TJP2: variants seen among roughly 807,000 people sequenced by gnomAD.
TJP2 encodes the protein tight junction protein 2, also known as Friedreich ataxia region gene X104 (tight junction protein ZO-2).
In TJP2, 91 loss-of-function variants were observed where a neutral mutation model predicts 133.1. That is an observed-to-expected ratio of 0.68 (90% confidence interval 0.58 to 0.81). The LOEUF (loss-of-function observed/expected upper bound fraction) is 0.81, where lower values mean the gene tolerates loss of function less well. TJP2 is among the 40% of genes least tolerant of loss of function. The pLI, the probability that TJP2 is intolerant of heterozygous loss-of-function variation, is 0.00. For missense variants in TJP2, 1,541 were observed against 1,565.6 expected, an observed-to-expected ratio of 0.98 and a Z score of 0.26; for synonymous variants, 592 against 583.4, an observed-to-expected ratio of 1.01 and a Z score of -0.21.
At chr9:69,251,706 C>G (rs1246394821) in intron 21 of TJP2, among the ~76,000 whole-genome samples, 1 of 152,026 alleles carries the variant, frequency 6.6e-6, no homozygotes, top group Admixed American at 6.5e-5. Flanking sequence ...TTCATTGGCT[C>G]CCAGATTTGC....
Position 69,130,884 on chromosome 9 carries a change from G to A in TJP2, c.-131+9159G>A, listed in dbSNP as rs994727104. Among the ~76,000 whole-genome samples, 4 of 152,188 alleles carry A rather than the reference G, an allele frequency of 2.6e-5. No homozygotes were observed. The East Asian group carries it at 7.7e-4, about 29-fold the overall frequency. ...TAAAGGTTCAGGAGAGTGAGGACATGTATGGGTATTGGTGTCAGGGGAGGG... is the reference window on the plus strand; with the variant it reads ...TAAAGGTTCAGGAGAGTGAGGACATATATGGGTATTGGTGTCAGGGGAGGG... On this transcript the variant is annotated intron_variant, in intron 1 of 5. Transcript: ENST00000423935.
intron 1 of TJP2, among the ~76,000 whole-genome samples, chr9:69,148,360 C>G (rs114762151): frequency 6.9e-6 from 1 of 145,570 alleles, no homozygotes; most frequent in African/African-American, 2.5e-5. Context: ...CTCATGCTTC[C>G]CCCTCTGTAA....
chr9:69,247,972 A>C, intron 18 of TJP2, 40 bp from the exon 19 acceptor site: 2 of 1,524,772 alleles, frequency 1.3e-6, no homozygotes, highest in Non-Finnish European at 1.8e-6. Flanking sequence ...CCCAGGAGCC[A>C]CATCAGACCC....
chr9:69,159,906 T>C (rs1823978548), intron 2 of TJP2, among the ~76,000 whole-genome samples: 1 of 54,890 alleles, frequency 1.8e-5, no homozygotes, highest in Non-Finnish European at 4.1e-5. Context: ...TATATATATA[T>C]ATGTGTGTGT....
intron 1 of TJP2, among the ~76,000 whole-genome samples, chr9:69,146,575 T>C (rs1212823400): frequency 6.6e-6 from 1 of 152,226 alleles, no homozygotes; most frequent in East Asian, 1.9e-4. Context: ...ACATTCATTA[T>C]AGAAGATTTA....
intron 1 of TJP2, among the ~76,000 whole-genome samples, chr9:69,134,320 G>A (rs1822633119): frequency 6.6e-6 from 1 of 152,186 alleles, no homozygotes; most frequent in Admixed American, 6.5e-5. Flanking sequence ...ATGGTGCACA[G>A]GTAAACATAA....
At position 69,216,372 on chromosome 9, in the gene TJP2, G is replaced by A. The variant is rs749225630; in HGVS notation, c.148G>A (p.Gly50Arg). The change falls in exon 3 of 23, where the codon GGA (glycine) becomes AGA (arginine). Residue 50 changes from glycine to arginine, a missense_variant. Coordinates refer to ENST00000377245, the MANE Select transcript of TJP2 (RefSeq NM_004817.4). ...SKRGFGIAVS[G>R]GRDNPHFENG... is the part of the protein sequence containing the mutation. ...AAGAGGATTTGGAATTGCAGTGTCC[G>A]GAGGCAGAGACAACCCCCACTTTGA... is the stretch of plus-strand genomic sequence containing the variant. The A allele has an allele frequency of 8.1e-6, 13 of 1,614,020 alleles. No homozygotes were observed. Among genetic ancestry groups the A allele is most frequent in the Middle Eastern group, 3.3e-4 (2 of 6,062 alleles).
intron 1 of TJP2, among the ~76,000 whole-genome samples, chr9:69,137,713 T>C (rs969001647): frequency 6.6e-6 from 1 of 152,048 alleles, no homozygotes; most frequent in Non-Finnish European, 1.5e-5. Flanking sequence ...GAAGAAACTT[T>C]CCAGCTTTTC....
chr9:69,230,139 T>C lies in TJP2; in HGVS notation c.1578T>C (p.Ala526=). ...GAGACAGCGTGGGCCTCCGGTTGGC[T>C]GGTGGCAATGATGTCGGGATATTTG... The part of the protein sequence containing the change: ...KKGDSVGLRL[A]GGNDVGIFVA... Residue 526 remains alanine, a synonymous_variant, in exon 11 of 23, where the codon GCT becomes GCC. Coordinates refer to ENST00000377245, the MANE Select transcript of TJP2 (RefSeq NM_004817.4). 1 of 1,614,192 alleles carries C rather than the reference T, an allele frequency of 6.2e-7. No homozygotes were observed. The highest frequency in any genetic ancestry group is 1.7e-4 in the Middle Eastern group (1 of 6,058).
At chr9:69,138,918 A>G (rs1439897612) in intron 1 of TJP2, among the ~76,000 whole-genome samples, 2 of 151,038 alleles carry the variant, frequency 1.3e-5, no homozygotes, top group Non-Finnish European at 1.5e-5. Flanking sequence ...TTCCATCTCA[A>G]AAAAAATAAA....
At chr9:69,205,399 G>T in intron 1 of TJP2, 1 of 1,394,988 alleles carries the variant, frequency 7.2e-7, no homozygotes, top group South Asian at 1.5e-5. Context: ...GTCACTGGTG[G>T]GTTTTTAAAA....
chr9:69,158,444 GC>G (rs1823888571), intron 2 of TJP2, among the ~76,000 whole-genome samples: 1 of 150,340 alleles, frequency 6.7e-6, no homozygotes, highest in African/African-American at 2.5e-5. Flanking sequence ...ACTATCACCT[GC>G]CCTTCTGACA....
chr9:69,221,036 T>C lies in TJP2; in HGVS notation c.492T>C (p.His164=), dbSNP rs757256696. Residue 164 remains histidine, a synonymous_variant, in exon 5 of 23, where the codon CAT becomes CAC. Transcript: ENST00000377245. The part of the protein sequence containing the change: ...GYSERSRLNS[H]GGRSRSWEDS... Reference sequence around the variant, plus strand: ...GCGAGAGGAGCCGGCTGAACAGCCATGGGGGGCGCAGCCGCAGCTGGGAGG... The same window carrying C: ...GCGAGAGGAGCCGGCTGAACAGCCACGGGGGGCGCAGCCGCAGCTGGGAGG... The C allele has an allele frequency of 1.2e-6, 2 of 1,607,992 alleles. No individual in the cohort carries two copies. The highest frequency in any genetic ancestry group is 1.3e-5 in the African/African-American group (1 of 74,914).
chr9:69,218,817 G>A (rs1158966222), intron 4 of TJP2, among the ~76,000 whole-genome samples: 3 of 152,176 alleles, frequency 2.0e-5, no homozygotes, highest in African/African-American at 7.2e-5. Context: ...CTGTGAGCTG[G>A]ATGCCATTAG....
chr9:69,128,994 T>C (rs749828625), intron 1 of TJP2, among the ~76,000 whole-genome samples: 22 of 152,240 alleles, frequency 1.4e-4, no homozygotes, highest in Non-Finnish European at 3.1e-4. Context: ...TATTGCGGCT[T>C]AGGCCTCTGG....
chr9:69,237,952 C>T lies in TJP2; in HGVS notation c.2254C>T (p.Pro752Ser), dbSNP rs1830312418. 1.2e-6 allele frequency: 2 copies of T among 1,613,416 alleles called. No individual in the cohort carries two copies. Among genetic ancestry groups the T allele is most frequent in the East Asian group, 2.2e-5 (1 of 44,862 alleles). ...IAMEKLANEL[P>S]DWFQTAKTEP... The stretch of plus-strand genomic sequence containing the variant: ...AATGGAAAAATTGGCTAATGAGTTA[C>T]CTGACTGGTTTCAAACTGCTAGTAA... The change falls in exon 15 of 23, where the codon CCT becomes TCT. Residue 752 changes from proline to serine, a missense_variant. Physicochemically the swap from Pro to Ser is moderately conservative, Grantham distance 74. Coordinates refer to ENST00000377245, the MANE Select transcript of TJP2 (RefSeq NM_004817.4).
chr9:69,198,300 C>A (rs55641500), intron 1 of TJP2, among the ~76,000 whole-genome samples: 57,626 of 151,886 alleles, frequency 0.38, 11,195 homozygotes, highest in South Asian at 0.44. Flanking sequence ...TGCCACTACA[C>A]CCAGCGAATT....
chr9:69,209,274 A>G (rs968168294), intron 1 of TJP2, among the ~76,000 whole-genome samples: 1 of 152,250 alleles, frequency 6.6e-6, no homozygotes, highest in Non-Finnish European at 1.5e-5. Context: ...CTGGGACTAC[A>G]GATATGCGCC....
chr9:69,173,909 A>C, upstream of TJP2: 1 of 977,814 alleles, frequency 1.0e-6, no homozygotes, highest in Non-Finnish European at 1.2e-6. Context: ...TCGGAGCGGG[A>C]CCTGCTTGCT....
Sources: allele counts gnomAD v4.1 joint callset (sites outside exome capture counted in the v4.1 genomes callset), GRCh38; gene constraint gnomAD v4.1.1; transcripts MANE v1.5; gene names NCBI Gene and HGNC (gene_info 2026-07-23, HGNC 2026-07-21).